The following CADM1 variants were observed in gnomAD, a reference collection of about 807,000 sequenced individuals.
The protein encoded by CADM1 is cell adhesion molecule 1, also known as TSLC-1.
CADM1 carries 15 observed loss-of-function variants against 53.1 expected under a neutral mutation model. That is an observed-to-expected ratio of 0.28 (90% CI 0.19 to 0.44). CADM1 has a LOEUF of 0.44. CADM1 is among the 20% of genes least tolerant of loss of function. The pLI is 1.00. For synonymous variants in CADM1, 281 were observed against 243.0 expected (o/e 1.16, Z -1.45); for missense variants, 434 against 611.3 (o/e 0.71, Z 3.06).
At chr11:115,214,941 A>C (rs889347912) in intron 6 of CADM1, among the ~76,000 whole-genome samples, 161 bp from the exon 7 acceptor site, 13 of 152,182 alleles carry the variant, frequency 8.5e-5, no homozygotes, top group African/African-American at 3.1e-4. Flanking sequence ...TTTGGTATAC[A>C]ATTTTTTTCT....
intron 1 of CADM1, among the ~76,000 whole-genome samples, chr11:115,503,325 G>A (rs965273677): frequency 2.7e-4 from 41 of 152,346 alleles, no homozygotes; most frequent in South Asian, 2.1e-4. Context: ...AAGGCACCGG[G>A]CGTGCAGAGC....
chr11:115,342,034 T>TA (rs1277357913), intron 1 of CADM1, among the ~76,000 whole-genome samples: 1 of 152,084 alleles, frequency 6.6e-6, no homozygotes, highest in African/African-American at 2.4e-5. Context: ...TATAAATTCA[T>TA]AAAAAATGCA....
chr11:115,340,627 T>TATATACAC (rs1491478165), intron 1 of CADM1, among the ~76,000 whole-genome samples: 1 of 39,048 alleles, frequency 2.6e-5, no homozygotes, highest in African/African-American at 1.2e-4. Flanking sequence ...TAATAAATAT[T>TATATACAC]ATATATATAT....
At chr11:115,472,372 G>C (rs1949034184) in intron 1 of CADM1, among the ~76,000 whole-genome samples, 1 of 152,170 alleles carries the variant, frequency 6.6e-6, no homozygotes, top group Non-Finnish European at 1.5e-5. Context: ...GTTCTCAGAA[G>C]GAAGAGCATA....
At chr11:115,488,998 TCA>T (rs1463557628) in intron 1 of CADM1, among the ~76,000 whole-genome samples, 1 of 152,182 alleles carries the variant, frequency 6.6e-6, no homozygotes, top group Non-Finnish European at 1.5e-5. Context: ...TATATATATC[TCA>T]GTTTTAAGAC....
At chr11:115,428,780 CGTGT>C (rs45437796) in intron 1 of CADM1, among the ~76,000 whole-genome samples, 75 of 150,604 alleles carry the variant, frequency 5.0e-4, no homozygotes, top group Non-Finnish European at 7.0e-4. Context: ...TGTGTGTGTG[CGTGT>C]GTGTGTGTGT....
chr11:115,495,148 T>A (rs1417144428), intron 1 of CADM1, among the ~76,000 whole-genome samples: 1 of 152,174 alleles, frequency 6.6e-6, no homozygotes, highest in Non-Finnish European at 1.5e-5. Context: ...ATTAACTTGG[T>A]TTTTTTCTCC....
chr11:115,357,408 T>G (rs1475763077), intron 1 of CADM1, among the ~76,000 whole-genome samples: 1 of 152,192 alleles, frequency 6.6e-6, no homozygotes, highest in Non-Finnish European at 1.5e-5. Flanking sequence ...AGTGTGGGGC[T>G]AGGAAGTGAG....
At chr11:115,444,436 G>C (rs939607349) in intron 1 of CADM1, among the ~76,000 whole-genome samples, 18 of 152,162 alleles carry the variant, frequency 1.2e-4, no homozygotes, top group African/African-American at 4.3e-4. Flanking sequence ...GTTTCCATTT[G>C]TCATGATGAA....
intron 2 of CADM1, among the ~76,000 whole-genome samples, chr11:115,239,423 T>C (rs1378375398): frequency 6.6e-6 from 1 of 152,206 alleles, no homozygotes; most frequent in Non-Finnish European, 1.5e-5. Context: ...TCAAAATCAC[T>C]GCAAAACTGA....
At chr11:115,268,329 A>G (rs1943204104) in intron 1 of CADM1, among the ~76,000 whole-genome samples, 1 of 152,196 alleles carries the variant, frequency 6.6e-6, no homozygotes, top group Non-Finnish European at 1.5e-5. Flanking sequence ...TGGGATATGC[A>G]TTTCAGCCTG....
chr11:115,280,943 T>C (rs148669593), intron 1 of CADM1, among the ~76,000 whole-genome samples: 7 of 152,270 alleles, frequency 4.6e-5, no homozygotes, highest in East Asian at 3.9e-4. Context: ...ACTGCACATC[T>C]CCCTAGACAG....
At chr11:115,470,487 G>A (rs1357488745) in intron 1 of CADM1, among the ~76,000 whole-genome samples, 1 of 152,096 alleles carries the variant, frequency 6.6e-6, no homozygotes, top group Non-Finnish European at 1.5e-5. Flanking sequence ...AAAGTTGAAT[G>A]GAAAATTTTT....
intron 1 of CADM1, among the ~76,000 whole-genome samples, chr11:115,451,710 G>A (rs1948575821): frequency 6.6e-6 from 1 of 152,200 alleles, no homozygotes; most frequent in Admixed American, 6.5e-5. Flanking sequence ...CATGACCATG[G>A]AAATGGGGGA....
At chr11:115,324,565 G>A (rs1000085260) in intron 1 of CADM1, among the ~76,000 whole-genome samples, 5 of 152,146 alleles carry the variant, frequency 3.3e-5, no homozygotes, top group Non-Finnish European at 5.9e-5. Context: ...TAAGGGTGAG[G>A]AATCTCCTGC....
At chr11:115,204,874 C>T (rs1335300090) in intron 8 of CADM1, among the ~76,000 whole-genome samples, 2 of 152,102 alleles carry the variant, frequency 1.3e-5, no homozygotes, top group African/African-American at 4.8e-5. Flanking sequence ...GAATCATTTG[C>T]TACAAGCTAT....
intron 1 of CADM1, among the ~76,000 whole-genome samples, chr11:115,440,256 C>T (rs890448782): frequency 6.6e-6 from 1 of 152,216 alleles, no homozygotes; most frequent in African/African-American, 2.4e-5. Flanking sequence ...ATTTCATCTC[C>T]TGACAGAGGC....
At position 115,372,864 on chromosome 11, in the gene CADM1, G is replaced by A. The variant is rs537638616; in HGVS notation, c.124+131407C>T. Among the ~76,000 whole-genome samples, 6 of 152,268 alleles carry A rather than the reference G, an allele frequency of 3.9e-5. No homozygotes were observed. The South Asian group carries it at 1.2e-3, about 32-fold the overall frequency. ...CTCAGGTGAGCATGGATGAAAGAAGGCATAACCTAAACCAGGCCTGGATCT... is the reference window on the plus strand; with the variant it reads ...CTCAGGTGAGCATGGATGAAAGAAGACATAACCTAAACCAGGCCTGGATCT... On this transcript the variant is annotated intron_variant, in intron 1 of 11. Coordinates refer to ENST00000331581, the MANE Select transcript of CADM1 (RefSeq NM_001301043.2).
intron 1 of CADM1, among the ~76,000 whole-genome samples, chr11:115,268,021 C>T (rs1432421059): frequency 6.6e-6 from 1 of 152,206 alleles, no homozygotes; most frequent in African/African-American, 2.4e-5. Context: ...AGTGGTTTCA[C>T]ACAGCTGCTC....
Sources: gnomAD v4.1 joint callset for allele counts (sites outside exome capture counted in the v4.1 genomes callset) on GRCh38, gnomAD v4.1.1 for gene constraint, MANE v1.5 for transcripts, NCBI Gene and HGNC (gene_info 2026-07-23, HGNC 2026-07-21) for gene names.